The following USP35 variants were observed in gnomAD, a reference collection of about 807,000 sequenced individuals.
The protein encoded by USP35 is ubiquitin carboxyl-terminal hydrolase 35.
Under a neutral mutation model 83.8 loss-of-function variants are expected in USP35, and 69 were observed. The ratio of observed to expected loss-of-function variants is 0.82; its 90% CI spans 0.68 to 1.01. The LOEUF (loss-of-function observed/expected upper bound fraction) is 1.01. USP35 is among the 50% of genes least tolerant of loss of function. USP35 has a pLI of 0.00. For missense variants in USP35, 1,503 were observed against 1,362.5 expected, an observed-to-expected ratio of 1.10 and a Z score of -1.62; for synonymous variants, 714 against 589.5, an observed-to-expected ratio of 1.21 and a Z score of -3.06.
chr11:78,197,765 G>C (rs1351909912), intron 2 of USP35, among the ~76,000 whole-genome samples, 171 bp from the exon 3 acceptor site: 3 of 152,226 alleles, frequency 2.0e-5, no homozygotes, highest in Admixed American at 2.0e-4. Context: ...AAGGTTTGTT[G>C]AGTGAGTTTA....
chr11:78,192,584 G>C (rs1044921060), intron 1 of USP35, among the ~76,000 whole-genome samples: 2 of 152,330 alleles, frequency 1.3e-5, no homozygotes, highest in Admixed American at 1.3e-4. Flanking sequence ...GGGAGTTGGG[G>C]CAGGTGGGCA....
chr11:78,218,147 G>A (rs1355423319), downstream of USP35: 1 of 153,726 alleles, frequency 6.5e-6, no homozygotes, highest in South Asian at 2.0e-4. Context: ...TGCTACCTCT[G>A]TGCCCGACTT....
In USP35 at chr11:78,205,979, C is replaced by T; in HGVS notation, c.1335C>T (p.Asn445=). Residue 445 remains asparagine, a synonymous_variant, in exon 7 of 11, where the codon AAC becomes AAT. Coordinates refer to ENST00000529308, the MANE Select transcript of USP35 (RefSeq NM_020798.4). ...ACACGGGCAAGATTGGTCTCATCAACCTGGGCAACACATGCTATGTCAACA... is the reference window on the plus strand; with the variant it reads ...ACACGGGCAAGATTGGTCTCATCAATCTGGGCAACACATGCTATGTCAACA... ...KSDTGKIGLI[N]LGNTCYVNSI... 2 of 1,614,222 alleles carry T rather than the reference C, an allele frequency of 1.2e-6. No individual in the cohort carries two copies. Among genetic ancestry groups the T allele is most frequent in the Non-Finnish European group, 1.7e-6 (2 of 1,180,030 alleles).
chr11:78,233,085 G>A, the USP35 span, among the ~76,000 whole-genome samples: 15 of 140,010 alleles, frequency 1.1e-4, no homozygotes, highest in Middle Eastern at 0.017. Flanking sequence ...TATTGCCCAG[G>A]CTGGAATGCA....
chr11:78,228,203 G>T, the USP35 span, among the ~76,000 whole-genome samples: 1 of 152,282 alleles, frequency 6.6e-6, no homozygotes, highest in African/African-American at 2.4e-5. Flanking sequence ...TCACAAGAGT[G>T]GTTTTCAAAC....
At position 78,207,549 on chromosome 11, in the gene USP35, C is replaced by T. The variant is rs199587997; in HGVS notation, c.1411C>T (p.Arg471Cys). 436 of 1,614,144 alleles carry T rather than the reference C, an allele frequency of 2.7e-4. 1 individual carries two copies. The highest frequency in any genetic ancestry group is 2.8e-4 in the Non-Finnish European group (327 of 1,180,030). The change falls in exon 8 of 11, where the codon CGC becomes TGC. Residue 471 changes from arginine to cysteine, a missense_variant. Coordinates refer to ENST00000529308, the MANE Select transcript of USP35 (RefSeq NM_020798.4). Reference sequence around the variant, plus strand: ...TTGAAGCTTCAGACATTGTGTGCTCCGCTTGACTGAGAACAACTCACAGCC... The same window carrying T: ...TTGAAGCTTCAGACATTGTGTGCTCTGCTTGACTGAGAACAACTCACAGCC... ...MASDFRHCVL[R>C]LTENNSQPLM...
At chr11:78,221,844 C>G in the USP35 span, 1 of 1,149,406 alleles carries the variant, frequency 8.7e-7, no homozygotes, top group East Asian at 2.4e-5. Context: ...TTCTAGCCTC[C>G]AGCTGGGCCC....
chr11:78,206,869 G>A (rs933434044), intron 7 of USP35, among the ~76,000 whole-genome samples: 3 of 152,198 alleles, frequency 2.0e-5, no homozygotes, highest in South Asian at 2.1e-4. Flanking sequence ...GAGAATGTTC[G>A]TGTAGGGAGG....
At position 78,213,940 on chromosome 11, in the gene USP35, T is replaced by A; in HGVS notation, c.*127T>A. On this transcript the variant is annotated 3_prime_UTR_variant, in exon 11 of 11. Coordinates refer to ENST00000529308, the MANE Select transcript of USP35 (RefSeq NM_020798.4). ...CATGGCACCTTAGTCCTCAGCCTGA[T>A]GAAGGGTACACAGAGATTCTCTCAG... is the stretch of plus-strand genomic sequence containing the variant. 1.9e-6 allele frequency: 2 copies of A among 1,053,554 alleles called. No individual in the cohort carries two copies. Among genetic ancestry groups the A allele is most frequent in the Non-Finnish European group, 1.3e-6 (1 of 764,708 alleles). 65.3% of individuals were successfully genotyped at this position (1,053,554 alleles called of 1,614,324 possible). A position where few individuals can be genotyped will look rare whatever the true frequency, so the allele number is the denominator to read the frequency against.
At chr11:78,211,583 A>G (rs1863776978) in intron 10 of USP35, among the ~76,000 whole-genome samples, 1 of 152,190 alleles carries the variant, frequency 6.6e-6, no homozygotes, top group African/African-American at 2.4e-5. Context: ...GTGTAAAGGT[A>G]TTCCTATTTC....
chr11:78,225,193 C>T, the USP35 span: 23 of 1,608,506 alleles, frequency 1.4e-5, no homozygotes, highest in South Asian at 2.3e-4. Context: ...GTAGGTCTCA[C>T]AGGAAGAAGC....
chr11:78,193,174 G>A (rs1863050315), intron 1 of USP35, among the ~76,000 whole-genome samples: 1 of 152,074 alleles, frequency 6.6e-6, no homozygotes, highest in Non-Finnish European at 1.5e-5. Flanking sequence ...CAGGGCTGAA[G>A]GGAGAGTTAA....
chr11:78,198,202 A>G lies in USP35; in HGVS notation c.806+134A>G, dbSNP rs1590899381. 1.6e-5 allele frequency: 22 copies of G among 1,379,222 alleles called. No individual in the cohort carries two copies. In the East Asian group the frequency reaches 4.6e-4, roughly 29 times the overall value. The allele number at this position is 1,379,222 out of a possible 1,614,324, so 85.4% of individuals were successfully genotyped here. A position where few individuals can be genotyped will look rare whatever the true frequency, so the allele number is the denominator to read the frequency against. On this transcript the variant is annotated intron_variant, in intron 3 of 10. Transcript: ENST00000529308. ...CCCAGGCCCTCATGTGTGTTCCATC[A>G]TCTATCCTTTCTTGAGCCCTGCTCT...
In USP35 at chr11:78,197,991, G is replaced by A. The variant is rs1191752294; in HGVS notation, c.729G>A (p.Glu243=). 1.2e-6 allele frequency: 2 copies of A among 1,614,242 alleles called. No individual in the cohort carries two copies. The highest frequency in any genetic ancestry group is 1.7e-6 in the Non-Finnish European group (2 of 1,180,038). ...LASVVQHLPL[E]LMDGVVRNLS... ...GCGTGGTCCAGCACCTCCCATTGGA[G>A]CTCATGGATGGTGTTGTCCGGAACC... Residue 243 remains glutamate (E), a synonymous_variant, in exon 3 of 11, where the codon GAG becomes GAA. Coordinates refer to ENST00000529308, the MANE Select transcript of USP35 (RefSeq NM_020798.4).
intron 1 of USP35, among the ~76,000 whole-genome samples, chr11:78,189,768 TCTC>T (rs1372497306): frequency 1.3e-5 from 2 of 152,300 alleles, no homozygotes; most frequent in East Asian, 3.9e-4. Flanking sequence ...TTCCCTTCTC[TCTC>T]CTCCTTATCC....
At chr11:78,202,581 G>A (rs998052610) in intron 6 of USP35, among the ~76,000 whole-genome samples, 3 of 152,258 alleles carry the variant, frequency 2.0e-5, no homozygotes, top group South Asian at 2.1e-4. Context: ...AACACACAAA[G>A]GAACAATCCT....
intron 8 of USP35, 141 bp downstream of exon 8, chr11:78,207,764 A>T (rs1184950272): frequency 2.3e-6 from 2 of 859,226 alleles, no homozygotes; most frequent in African/African-American, 3.4e-5. Context: ...CCGGGCTGGC[A>T]TATGGAACTG....
In USP35 at chr11:78,213,950, A is replaced by G; in HGVS notation, c.*137A>G. ...TAGTCCTCAGCCTGATGAAGGGTAC[A>G]CAGAGATTCTCTCAGATATGGAAGT... On this transcript the variant is annotated 3_prime_UTR_variant, in exon 11 of 11. Transcript: ENST00000529308. 1.0e-6 allele frequency: 1 copy of G among 953,716 alleles called. No homozygotes were observed. The highest frequency in any genetic ancestry group is 1.5e-6 in the Non-Finnish European group (1 of 685,378). 59.1% of individuals were successfully genotyped at this position (953,716 alleles called of 1,614,324 possible).
Position 78,209,973 on chromosome 11 carries a change from GGAGAAAGAGGAGGAGGTGGAA to G in USP35, c.2122_2142del (p.Lys708_Glu714del). ...AAAGCACCAGAGGGGAAGGAGAGAG[GGAGAAAGAGGAGGAGGTGGAA>G]GAGGAAGAAGAGAAGGTGGAGAAGG... On this transcript the variant is annotated inframe_deletion, in exon 10 of 11. Transcript: ENST00000529308. 1 of 1,612,604 alleles carries G rather than the reference GGAGAAAGAGGAGGAGGTGGAA, an allele frequency of 6.2e-7. No homozygotes were observed. The highest frequency in any genetic ancestry group is 2.2e-5 in the East Asian group (1 of 44,844).
Sources: allele counts gnomAD v4.1 joint callset (sites outside exome capture counted in the v4.1 genomes callset), GRCh38; gene constraint gnomAD v4.1.1; transcripts MANE v1.5; gene names NCBI Gene and HGNC (gene_info 2026-07-23, HGNC 2026-07-21).